ZNF469: variants seen among roughly 807,000 people sequenced by gnomAD.
ZNF469 encodes zinc finger protein 469.
A neutral mutation model predicts 1.0 loss-of-function variants in ZNF469; 1 was observed. The observed-to-expected ratio is 1.00, with a 90% CI of 0.35 to 4.73. The LOEUF is 4.73. ZNF469 is among the 30% of genes most tolerant of loss of function. The probability of loss-of-function intolerance (pLI) is 0.16; values close to 1 mark genes in which losing one functional copy is unlikely to be tolerated. For synonymous variants in ZNF469, 2,703 were observed against 2,363.4 expected, an observed-to-expected ratio of 1.14 and a Z score of -4.17; for missense variants, 6,100 against 5,356.3, an observed-to-expected ratio of 1.14 and a Z score of -4.33.
chr16:88,154,108 C>T, the ZNF469 span, among the ~76,000 whole-genome samples: 2 of 152,332 alleles, frequency 1.3e-5, no homozygotes, highest in Admixed American at 6.5e-5. Context: ...TGTAATGGCA[C>T]CTTGCCAAGC....
the ZNF469 span, among the ~76,000 whole-genome samples, chr16:88,250,814 C>G: frequency 6.6e-6 from 1 of 152,158 alleles, no homozygotes; most frequent in Admixed American, 6.6e-5. Flanking sequence ...CCAGATTTAT[C>G]ACGCATCTGT....
chr16:88,381,194 A>G (rs2092523348), upstream of ZNF469, among the ~76,000 whole-genome samples: 3 of 120,698 alleles, frequency 2.5e-5, no homozygotes, highest in Admixed American at 7.9e-5. Flanking sequence ...ACTCACACAC[A>G]TGCATTCACA....
At chr16:88,108,507 A>T in the ZNF469 span, among the ~76,000 whole-genome samples, 1 of 152,216 alleles carries the variant, frequency 6.6e-6, no homozygotes, top group African/African-American at 2.4e-5. Context: ...GTCAAGTTGC[A>T]CAAACCTGGT....
At chr16:88,119,392 G>A in the ZNF469 span, among the ~76,000 whole-genome samples, 4 of 152,226 alleles carry the variant, frequency 2.6e-5, no homozygotes, top group African/African-American at 9.6e-5. Context: ...GGGCCCATCT[G>A]TGCCGGGTGT....
the ZNF469 span, among the ~76,000 whole-genome samples, chr16:88,259,533 C>T: frequency 6.6e-6 from 1 of 152,188 alleles, no homozygotes; most frequent in South Asian, 2.1e-4. This position sits in a 1 kb window ranked among gnomAD's most constrained non-coding sequence, Gnocchi z 4.1. Context: ...ACTCTGGGAA[C>T]TCTCCAGGGC....
At chr16:88,336,425 AACAT>A in the ZNF469 span, among the ~76,000 whole-genome samples, 1 of 151,028 alleles carries the variant, frequency 6.6e-6, no homozygotes, top group Non-Finnish European at 1.5e-5. Flanking sequence ...CTAACATGCC[AACAT>A]CACACACGTT....
the ZNF469 span, among the ~76,000 whole-genome samples, chr16:88,358,534 A>T: frequency 1.3e-5 from 2 of 151,524 alleles, no homozygotes; most frequent in Admixed American, 1.3e-4. Flanking sequence ...CCAGCCTGCC[A>T]CTCCCACCCA....
At chr16:88,152,987 C>T in the ZNF469 span, among the ~76,000 whole-genome samples, 1 of 152,220 alleles carries the variant, frequency 6.6e-6, no homozygotes, top group South Asian at 2.1e-4. The surrounding 1 kb of genome is among the most constrained non-coding windows in gnomAD (Gnocchi z 4.2). Flanking sequence ...GCCCCCAGCA[C>T]CGTGGCTCCG....
At chr16:88,155,885 C>T in the ZNF469 span, among the ~76,000 whole-genome samples, 1 of 152,174 alleles carries the variant, frequency 6.6e-6, no homozygotes, top group African/African-American at 2.4e-5. Flanking sequence ...ATGAGGGCCT[C>T]GTCATCGCCA....
the ZNF469 span, among the ~76,000 whole-genome samples, chr16:88,208,408 T>C: frequency 6.7e-6 from 1 of 148,538 alleles, no homozygotes; most frequent in East Asian, 2.0e-4. Context: ...CGCTCATTAC[T>C]ACTGGGGTGC....
At chr16:88,311,789 C>T in the ZNF469 span, among the ~76,000 whole-genome samples, 7 of 152,198 alleles carry the variant, frequency 4.6e-5, no homozygotes, top group Non-Finnish European at 8.8e-5. Flanking sequence ...CCAAGTCGTT[C>T]GCCAACAAGG....
At chr16:88,199,778 G>A in the ZNF469 span, among the ~76,000 whole-genome samples, 6 of 152,244 alleles carry the variant, frequency 3.9e-5, no homozygotes, top group South Asian at 6.2e-4. Context: ...AGCACTCTCT[G>A]TGTGGCTCCA....
At chr16:88,361,025 A>G in the ZNF469 span, among the ~76,000 whole-genome samples, 2 of 152,228 alleles carry the variant, frequency 1.3e-5, no homozygotes, top group Non-Finnish European at 2.9e-5. Context: ...ACAACTCACC[A>G]TAATGTAGAA....
the ZNF469 span, among the ~76,000 whole-genome samples, chr16:88,345,696 C>T: frequency 6.6e-6 from 1 of 152,236 alleles, no homozygotes; most frequent in East Asian, 1.9e-4. Context: ...GGGCGCTTTC[C>T]AAAGCCTTGC....
the ZNF469 span, among the ~76,000 whole-genome samples, chr16:88,113,251 A>T: frequency 2.6e-5 from 4 of 152,132 alleles, no homozygotes; most frequent in Non-Finnish European, 5.9e-5. Context: ...TCCAGACTTT[A>T]ATCCATTTTG....
At chr16:88,129,081 A>T in the ZNF469 span, among the ~76,000 whole-genome samples, 1 of 152,256 alleles carries the variant, frequency 6.6e-6, no homozygotes, top group African/African-American at 2.4e-5. Context: ...AAGAGAAACA[A>T]TCGGTAATGC....
At chr16:88,289,068 G>A in the ZNF469 span, among the ~76,000 whole-genome samples, 2 of 152,082 alleles carry the variant, frequency 1.3e-5, no homozygotes, top group East Asian at 3.9e-4. Context: ...TGGTGATGAG[G>A]GTGATGATGA....
chr16:88,377,463 C>T, the ZNF469 span, among the ~76,000 whole-genome samples: 1 of 152,188 alleles, frequency 6.6e-6, no homozygotes, highest in African/African-American at 2.4e-5. Flanking sequence ...GCCCTCGAGG[C>T]CACCCCTGTC....
At chr16:88,202,752 T>C in the ZNF469 span, among the ~76,000 whole-genome samples, 1 of 152,122 alleles carries the variant, frequency 6.6e-6, no homozygotes, top group Non-Finnish European at 1.5e-5. Flanking sequence ...TCTGCCTGCA[T>C]CTCTCGAGTC....
Sources: gnomAD v4.1 joint callset for allele counts (sites outside exome capture counted in the v4.1 genomes callset) on GRCh38, gnomAD v4.1.1 for gene constraint, Gnocchi (gnomAD v3.1) non-coding constraint, MANE v1.5 for transcripts, NCBI Gene and HGNC (gene_info 2026-07-23, HGNC 2026-07-21) for gene names.